The following TOP1 variants were observed in gnomAD, a reference collection of about 807,000 sequenced individuals.
The protein encoded by TOP1 is DNA topoisomerase 1.
Under a neutral mutation model 111.1 loss-of-function variants are expected in TOP1, and 10 were observed. The observed-to-expected ratio is 0.09, with a 90% CI of 0.06 to 0.15. The LOEUF (loss-of-function observed/expected upper bound fraction) is 0.15. Among genes scored for constraint, TOP1 ranks in the 10% least tolerant of loss-of-function variants. The pLI is 1.00. For missense variants in TOP1, 474 were observed against 926.7 expected (o/e 0.51, Z 6.34); for synonymous variants, 271 against 302.9 (o/e 0.89, Z 1.10).
rs758828342 is a variant in TOP1, at chr20:41,029,359, C to T, written c.34-72C>T. On this transcript the variant is annotated intron_variant, in intron 1 of 20. Coordinates refer to ENST00000361337, the MANE Select transcript of TOP1 (RefSeq NM_003286.4). The surrounding 1 kb of genome is among the most constrained non-coding windows in gnomAD (Gnocchi z 6.1). ...CGGGGGCGCAGGGTGAGCCAGACCCCGGCCGCGCGCGCTCGCCGCCGGAGG... is the reference window on the plus strand; with the variant it reads ...CGGGGGCGCAGGGTGAGCCAGACCCTGGCCGCGCGCGCTCGCCGCCGGAGG... The T allele has an allele frequency of 1.4e-5, 20 of 1,389,678 alleles. No homozygotes were observed. The highest frequency in any genetic ancestry group is 3.1e-5 in the South Asian group (2 of 64,650). 86.1% of individuals were successfully genotyped at this position (1,389,678 alleles called of 1,614,324 possible). A position where few individuals can be genotyped will look rare whatever the true frequency, so the allele number is the denominator to read the frequency against.
In TOP1 at chr20:41,058,997, A is replaced by T. The variant is rs2033509411; in HGVS notation, c.59-2397A>T. Among the ~76,000 whole-genome samples the T allele has an allele frequency of 1.3e-5, 2 of 152,118 alleles. No homozygotes were observed. Among genetic ancestry groups the T allele is most frequent in the South Asian group, 4.2e-4 (2 of 4,818 alleles). On this transcript the variant is annotated intron_variant, in intron 2 of 20. Transcript: ENST00000361337. This position sits in a 1 kb window ranked among gnomAD's most constrained non-coding sequence, Gnocchi z 4.2. ...GGAATACTGTGCAGCCATAAGAAGA[A>T]CGAGATTGTGTCCTTTGCAGGAACA...
chr20:41,051,331 T>G (rs1187600757), intron 2 of TOP1, among the ~76,000 whole-genome samples: 1 of 152,162 alleles, frequency 6.6e-6, no homozygotes, highest in Non-Finnish European at 1.5e-5. Context: ...AAGAGTCTCC[T>G]TTATATCAGA....
intron 3 of TOP1, chr20:41,072,939 T>C (rs908681183): frequency 2.0e-6 from 2 of 985,326 alleles, no homozygotes; most frequent in Admixed American, 6.1e-5. Context: ...GTCAGGATGA[T>C]AGCTTCATCC....
Position 41,092,670 on chromosome 20 carries a change from A to C in TOP1, c.730+83A>C. The C allele has an allele frequency of 1.5e-6, 1 of 672,462 alleles. No homozygotes were observed. Among genetic ancestry groups the C allele is most frequent in the Non-Finnish European group, 2.6e-6 (1 of 389,854 alleles). The allele number at this position is 672,462 out of a possible 1,614,324, so 41.7% of individuals were successfully genotyped here. Reference sequence around the variant, plus strand: ...GGGATAGAAAACAAGGAAGGATCCTATGTAATAGATAATCCTTTTTATTTC... The same window carrying C: ...GGGATAGAAAACAAGGAAGGATCCTCTGTAATAGATAATCCTTTTTATTTC... On this transcript the variant is annotated intron_variant, in intron 9 of 20. Transcript: ENST00000361337. The surrounding 1 kb of genome is among the most constrained non-coding windows in gnomAD (Gnocchi z 4.3).
chr20:41,089,107 C>G (rs1600582093), intron 8 of TOP1, among the ~76,000 whole-genome samples: 1 of 144,630 alleles, frequency 6.9e-6, no homozygotes, highest in Non-Finnish European at 1.5e-5. Flanking sequence ...TCACTGCAAC[C>G]TTCGCCTCCT....
In TOP1 at chr20:41,086,349, T is replaced by C. The variant is rs374101345; in HGVS notation, c.614+1781T>C. 7.2e-5 allele frequency among the ~76,000 whole-genome samples: 11 copies of C among 152,316 alleles called. No individual in the cohort carries two copies. The East Asian group carries it at 2.1e-3, about 29-fold the overall frequency. On this transcript the variant is annotated intron_variant, in intron 8 of 20. Coordinates refer to ENST00000361337, the MANE Select transcript of TOP1 (RefSeq NM_003286.4). ...TTCTTAAGAACTAATACATTTTCAG[T>C]GATCTTGACCTTTAAGAAAATGATT...
intron 13 of TOP1, among the ~76,000 whole-genome samples, chr20:41,103,970 A>T (rs1452049360): frequency 6.6e-6 from 1 of 152,116 alleles, no homozygotes; most frequent in Non-Finnish European, 1.5e-5. Context: ...AGCAGTGTAA[A>T]TCTACTGGTG....
At chr20:41,059,323 TA>T (rs554969100) in intron 2 of TOP1, among the ~76,000 whole-genome samples, 4 of 148,566 alleles carry the variant, frequency 2.7e-5, no homozygotes, top group Admixed American at 1.3e-4. Flanking sequence ...ACTTAAAAGT[TA>T]AAAAAAAATG....
chr20:41,105,155 A>T (rs1481314243), intron 13 of TOP1, among the ~76,000 whole-genome samples: 5 of 152,122 alleles, frequency 3.3e-5, no homozygotes, highest in Non-Finnish European at 7.4e-5. Flanking sequence ...TTTTATTCTC[A>T]TACATATTTT....
intron 13 of TOP1, among the ~76,000 whole-genome samples, chr20:41,108,560 T>C (rs1360264627): frequency 6.6e-6 from 1 of 152,218 alleles, no homozygotes; most frequent in Non-Finnish European, 1.5e-5. Flanking sequence ...TTGCTCTAGG[T>C]ACTGAAAAGG....
chr20:41,112,778 A>G lies in TOP1; in HGVS notation c.1309-4A>G, dbSNP rs777593633. 1.9e-6 allele frequency: 3 copies of G among 1,614,076 alleles called. No individual in the cohort carries two copies. The Admixed American group carries it at 5.0e-5, about 27-fold the overall frequency. ...AATCTACATTTGGGTTTGGGTCTTT[A>G]CAGGGTGAGAAGGACTGGCAGAAAT... On this transcript the variant is annotated splice_region_variant and splice_polypyrimidine_tract_variant and intron_variant, in intron 13 of 20. Coordinates refer to ENST00000361337, the MANE Select transcript of TOP1 (RefSeq NM_003286.4). The surrounding 1 kb of genome is among the most constrained non-coding windows in gnomAD (Gnocchi z 5.8).
rs377471701 is a variant in TOP1, at chr20:41,080,136, T to G, written c.387T>G (p.Pro129=). The stretch of plus-strand genomic sequence containing the variant: ...AAGATGATGGCTATTTTGTTCCTCC[T>G]AAAGAGGATATAAAGCCATTAAAGA... ...EPEDDGYFVP[P]KEDIKPLKRP... The change falls in exon 6 of 21, where the codon CCT becomes CCG. Residue 129 remains proline, a synonymous_variant. Coordinates refer to ENST00000361337, the MANE Select transcript of TOP1 (RefSeq NM_003286.4). This position sits in a 1 kb window ranked among gnomAD's most constrained non-coding sequence, Gnocchi z 5.0. 9.9e-6 allele frequency: 16 copies of G among 1,611,622 alleles called. No homozygotes were observed. Among genetic ancestry groups the G allele is most frequent in the Non-Finnish European group, 1.3e-5 (15 of 1,178,952 alleles).
chr20:41,093,533 G>A (rs961426385), intron 9 of TOP1, among the ~76,000 whole-genome samples: 16 of 150,890 alleles, frequency 1.1e-4, no homozygotes, highest in Admixed American at 5.3e-4. Flanking sequence ...TCTTACCACC[G>A]TCTTTTGGCC....
intron 13 of TOP1, among the ~76,000 whole-genome samples, chr20:41,108,268 A>G (rs2145959589): frequency 6.6e-6 from 1 of 152,348 alleles, no homozygotes. Context: ...ATTCCCTCAC[A>G]TAATAGTGTA....
At position 41,071,454 on chromosome 20, in the gene TOP1, C is replaced by T. The variant is rs369111725; in HGVS notation, c.156-4717C>T. Reference sequence around the variant, plus strand: ...CTGTCTCCCTGGTTCAAGTGATTCTCCTGCCTCAGCCTCCCCAGTAGCTGG... The same window carrying T: ...CTGTCTCCCTGGTTCAAGTGATTCTTCTGCCTCAGCCTCCCCAGTAGCTGG... On this transcript the variant is annotated intron_variant, in intron 3 of 20. Coordinates refer to ENST00000361337, the MANE Select transcript of TOP1 (RefSeq NM_003286.4). This position sits in a 1 kb window ranked among gnomAD's most constrained non-coding sequence, Gnocchi z 4.3. Among the ~76,000 whole-genome samples the T allele has an allele frequency of 9.9e-5, 15 of 151,036 alleles. No individual in the cohort carries two copies. The East Asian group carries it at 2.1e-3, about 22-fold the overall frequency.
intron 2 of TOP1, among the ~76,000 whole-genome samples, chr20:41,035,574 A>T (rs1436304671): frequency 6.6e-6 from 1 of 152,154 alleles, no homozygotes; most frequent in Non-Finnish European, 1.5e-5. Context: ...GGGTATTCTG[A>T]CGTTTTCCTA....
chr20:41,090,267 C>T (rs1392814213), intron 8 of TOP1, among the ~76,000 whole-genome samples: 3 of 152,220 alleles, frequency 2.0e-5, no homozygotes, highest in East Asian at 1.9e-4. Context: ...GCGTGAGCCA[C>T]TGCGCCCAGC....
rs79150624 is a variant in TOP1, at chr20:41,116,571, T to C, written c.1822+179T>C. Among the ~76,000 whole-genome samples, 688 of 152,360 alleles carry C rather than the reference T, an allele frequency of 4.5e-3. 2 individuals are homozygous for C. Among genetic ancestry groups the C allele is most frequent in the Non-Finnish European group, 5.9e-3 (399 of 68,042 alleles). On this transcript the variant is annotated intron_variant, in intron 17 of 20. Coordinates refer to ENST00000361337, the MANE Select transcript of TOP1 (RefSeq NM_003286.4). This position sits in a 1 kb window ranked among gnomAD's most constrained non-coding sequence, Gnocchi z 5.6. Reference sequence around the variant, plus strand: ...TGTTGTATAAACATAGGATCAATGCTGTTTCCCCCTTCCCACCCCAACTTC... The same window carrying C: ...TGTTGTATAAACATAGGATCAATGCCGTTTCCCCCTTCCCACCCCAACTTC...
rs80018692 is a variant in TOP1 at position 41,071,705 on chromosome 20, C to T, written c.156-4466C>T. Among the ~76,000 whole-genome samples, 5,250 of 152,304 alleles carry T rather than the reference C, an allele frequency of 0.034. 611 individuals are homozygous for T. The East Asian group carries it at 0.46, about 13-fold the overall frequency. ...AAGCATAACACATGGCATGAACACTCTGGAAAGGTGGCTTTGGATCTTTCC... is the reference window on the plus strand; with the variant it reads ...AAGCATAACACATGGCATGAACACTTTGGAAAGGTGGCTTTGGATCTTTCC... On this transcript the variant is annotated intron_variant, in intron 3 of 20. Coordinates refer to ENST00000361337, the MANE Select transcript of TOP1 (RefSeq NM_003286.4). The surrounding 1 kb of genome is among the most constrained non-coding windows in gnomAD (Gnocchi z 4.3).
Sources: allele counts gnomAD v4.1 joint callset (sites outside exome capture counted in the v4.1 genomes callset), GRCh38; gene constraint gnomAD v4.1.1; non-coding constraint Gnocchi (gnomAD v3.1); transcripts MANE v1.5; gene names NCBI Gene and HGNC (gene_info 2026-07-23, HGNC 2026-07-21).